ZBTB8A: variants seen among roughly 807,000 people sequenced by gnomAD.
ZBTB8A encodes zinc finger and BTB domain-containing protein 8A.
A neutral mutation model predicts 37.8 loss-of-function variants in ZBTB8A; 19 were observed. The ratio of observed to expected loss-of-function variants is 0.50; its 90% CI spans 0.35 to 0.74. The LOEUF is 0.74. ZBTB8A is among the 30% of genes least tolerant of loss of function. The pLI is 0.01. For missense variants in ZBTB8A, 394 were observed against 537.8 expected, an observed-to-expected ratio of 0.73 and a Z score of 2.65; for synonymous variants, 181 against 185.2, an observed-to-expected ratio of 0.98 and a Z score of 0.19.
At position 32,592,945 on chromosome 1, in the gene ZBTB8A, C is replaced by G; in HGVS notation, c.14C>G (p.Ser5Cys). The change falls in exon 3 of 5, where the codon TCT becomes TGT. Residue 5 changes from serine (S) to cysteine (C), a missense_variant. Ser to Cys is a moderately radical substitution (Grantham distance 112). Around this residue, in one of 4 missense-constraint regions of ZBTB8A, gnomAD observed 96 missense variants for 165.6 expected, o/e 0.58. Coordinates refer to ENST00000373510, the MANE Select transcript of ZBTB8A (RefSeq NM_001040441.3). MEISSHQSHLLQQLN... is the reference protein window; with the variant it reads MEISCHQSHLLQQLN... ...TTCCTCTTCAGAATGGAGATCTCCT[C>G]TCATCAGTCTCACCTCCTGCAGCAA... 6.2e-7 allele frequency: 1 copy of G among 1,607,358 alleles called. No individual in the cohort carries two copies. Among genetic ancestry groups the G allele is most frequent in the African/African-American group, 1.3e-5 (1 of 74,818 alleles).
chr1:32,605,512 T>C lies in ZBTB8A; in HGVS notation c.*5093T>C. On this transcript the variant is annotated 3_prime_UTR_variant, in exon 5 of 5. Transcript: ENST00000373510. ...TTAGGTCAAGAGTTGGAGACCAGCC[T>C]GGGGCAATATAGTGAAACCCCTTCT... 1 of 151,492 alleles carries C rather than the reference T, an allele frequency of 6.6e-6. No individual in the cohort carries two copies. Among genetic ancestry groups the C allele is most frequent in the Non-Finnish European group, 1.5e-5 (1 of 67,886 alleles). The allele number at this position is 151,492 out of a possible 1,614,324, so 9.4% of individuals were successfully genotyped here.
intron 3 of ZBTB8A, among the ~76,000 whole-genome samples, chr1:32,594,711 A>T (rs1318622018): frequency 6.6e-6 from 1 of 151,276 alleles, no homozygotes; most frequent in Non-Finnish European, 1.5e-5. Context: ...GGTTGCAGTG[A>T]GTGGAGATTG....
chr1:32,580,253 T>A (rs558924438), intron 2 of ZBTB8A, among the ~76,000 whole-genome samples: 93 of 151,984 alleles, frequency 6.1e-4, no homozygotes, highest in African/African-American at 2.1e-3. Context: ...ACAAAAAAAA[T>A]TTTTTTAAAG....
chr1:32,556,875 CA>C (rs1644207089), intron 2 of ZBTB8A, among the ~76,000 whole-genome samples: 1 of 150,044 alleles, frequency 6.7e-6, no homozygotes, highest in East Asian at 2.0e-4. Context: ...GACTCTGTCT[CA>C]ACAAAAAAAA....
At position 32,593,565 on chromosome 1, in the gene ZBTB8A, C is replaced by G. The variant is rs376578430; in HGVS notation, c.634C>G (p.His212Asp). Residue 212 changes from histidine (H) to aspartate (D), a missense_variant, in exon 3 of 5, where the codon CAT (histidine) becomes GAT (aspartate). Transcript: ENST00000373510. ...PRKESIKKTK[H>D]LRLSQPSEVT... Reference sequence around the variant, plus strand: ...GAAAGAGTCCATTAAAAAGACCAAACATTTGAGATTGTCACAGCCTTCTGA... The same window carrying G: ...GAAAGAGTCCATTAAAAAGACCAAAGATTTGAGATTGTCACAGCCTTCTGA... The G allele has an allele frequency of 6.2e-7, 1 of 1,614,256 alleles. No individual in the cohort carries two copies.
At position 32,600,445 on chromosome 1, in the gene ZBTB8A, C is replaced by G. The variant is rs751344865; in HGVS notation, c.*26C>G. 1 of 1,539,604 alleles carries G rather than the reference C, an allele frequency of 6.5e-7. No individual in the cohort carries two copies. Among genetic ancestry groups the G allele is most frequent in the South Asian group, 1.2e-5 (1 of 85,318 alleles). On this transcript the variant is annotated 3_prime_UTR_variant, in exon 5 of 5. Coordinates refer to ENST00000373510, the MANE Select transcript of ZBTB8A (RefSeq NM_001040441.3). ...CTGTAATGTGAACCAACAGAGCTGG[C>G]ATGTCTGCAATTTACATTGACTTCC...
chr1:32,567,825 A>AAAAAAAAAAAAAAC (rs1644294123), intron 2 of ZBTB8A, among the ~76,000 whole-genome samples: 2 of 63,674 alleles, frequency 3.1e-5, no homozygotes, highest in South Asian at 6.5e-4. Context: ...AAAAAAAAAC[A>AAAAAAAAAAAAAAC]AAAACAAAAC....
At chr1:32,588,043 C>G (rs1329471299) in intron 2 of ZBTB8A, among the ~76,000 whole-genome samples, 1 of 152,144 alleles carries the variant, frequency 6.6e-6, no homozygotes, top group Non-Finnish European at 1.5e-5. Flanking sequence ...GTGGAAGCTC[C>G]AAGCGCTTCC....
chr1:32,592,815 G>A lies in ZBTB8A; in HGVS notation c.-1-116G>A, dbSNP rs1644500301. ...GAGCCACTGTGCCCAGCCACAGTGA[G>A]CTTTGATCACACCACTGCACTGCAG... is the stretch of plus-strand genomic sequence containing the variant. On this transcript the variant is annotated intron_variant, in intron 2 of 4. Coordinates refer to ENST00000373510, the MANE Select transcript of ZBTB8A (RefSeq NM_001040441.3). The A allele has an allele frequency of 9.5e-6, 8 of 843,196 alleles. No individual in the cohort carries two copies. In the Admixed American group the frequency reaches 2.3e-4, roughly 25 times the overall value. The allele number at this position is 843,196 out of a possible 1,614,324, so 52.2% of individuals were successfully genotyped here.
chr1:32,603,515 C>T lies in ZBTB8A; in HGVS notation c.*3096C>T, dbSNP rs1001286823. 2 of 152,462 alleles carry T rather than the reference C, an allele frequency of 1.3e-5. No homozygotes were observed. Among genetic ancestry groups the T allele is most frequent in the African/African-American group, 4.8e-5 (2 of 41,430 alleles). 9.4% of individuals were successfully genotyped at this position (152,462 alleles called of 1,614,324 possible). Reference sequence around the variant, plus strand: ...TAGTCTTACCCAATTAATACTGACACCTTTTGAAATTAAAACCTGATTTTT... The same window carrying T: ...TAGTCTTACCCAATTAATACTGACATCTTTTGAAATTAAAACCTGATTTTT... On this transcript the variant is annotated 3_prime_UTR_variant, in exon 5 of 5. Coordinates refer to ENST00000373510, the MANE Select transcript of ZBTB8A (RefSeq NM_001040441.3).
chr1:32,598,513 A>G (rs774849564), intron 4 of ZBTB8A, among the ~76,000 whole-genome samples: 19 of 152,106 alleles, frequency 1.2e-4, no homozygotes, highest in Admixed American at 2.0e-4. Flanking sequence ...CTGGGATTAC[A>G]GGTGTGAGCC....
rs1234264389 is a variant in ZBTB8A at position 32,604,023 on chromosome 1, G to A, written c.*3604G>A. On this transcript the variant is annotated 3_prime_UTR_variant, in exon 5 of 5. Coordinates refer to ENST00000373510, the MANE Select transcript of ZBTB8A (RefSeq NM_001040441.3). ...TTTACATGTGGGCAAATGTTACATA[G>A]GGGTATAATCTGTTTAAATAAGCTT... The A allele has an allele frequency of 4.6e-5, 7 of 152,116 alleles. No individual in the cohort carries two copies. In the South Asian group the frequency reaches 1.2e-3, roughly 27 times the overall value. The allele number at this position is 152,116 out of a possible 1,614,324, so 9.4% of individuals were successfully genotyped here.
intron 2 of ZBTB8A, among the ~76,000 whole-genome samples, chr1:32,564,659 T>C (rs1433009870): frequency 3.9e-5 from 6 of 151,976 alleles, no homozygotes; most frequent in East Asian, 3.9e-4. Context: ...TAGCAAAATA[T>C]ACCTAAAACA....
intron 2 of ZBTB8A, among the ~76,000 whole-genome samples, chr1:32,567,781 G>A (rs1339836820): frequency 2.2e-5 from 2 of 92,316 alleles, no homozygotes; most frequent in Non-Finnish European, 3.9e-5. Flanking sequence ...GATAGAGCAG[G>A]ATTCTGTCTC....
At chr1:32,592,508 T>C (rs1479237383) in intron 2 of ZBTB8A, among the ~76,000 whole-genome samples, 1 of 151,694 alleles carries the variant, frequency 6.6e-6, no homozygotes. Context: ...TGTTTGTTTT[T>C]GGGGTGTTTG....
At chr1:32,583,125 A>T (rs1222691975) in intron 2 of ZBTB8A, among the ~76,000 whole-genome samples, 4 of 152,112 alleles carry the variant, frequency 2.6e-5, no homozygotes, top group African/African-American at 9.7e-5. Context: ...TCACACCTGT[A>T]ATCCCAACAC....
intron 2 of ZBTB8A, among the ~76,000 whole-genome samples, chr1:32,580,817 G>A (rs1316046032): frequency 6.6e-6 from 1 of 151,754 alleles, no homozygotes; most frequent in Non-Finnish European, 1.5e-5. Flanking sequence ...CCAGCATCTG[G>A]CAAGGATCAT....
chr1:32,577,607 T>C (rs1644372878), intron 2 of ZBTB8A, among the ~76,000 whole-genome samples: 1 of 148,260 alleles, frequency 6.7e-6, no homozygotes, highest in South Asian at 2.2e-4. Flanking sequence ...TTTTTTTTTT[T>C]TTGAGACAGA....
At chr1:32,594,949 T>C (rs935806152) in intron 3 of ZBTB8A, 105 bp from the exon 4 acceptor site, 68 of 1,144,688 alleles carry the variant, frequency 5.9e-5, no homozygotes, top group Admixed American at 1.6e-4. Flanking sequence ...TTTTTTTAAG[T>C]TTATTTTTTT....
Sources: allele counts gnomAD v4.1 joint callset (sites outside exome capture counted in the v4.1 genomes callset), GRCh38; gene constraint gnomAD v4.1.1; regional missense constraint gnomAD v4.1.1; transcripts MANE v1.5; gene names NCBI Gene and HGNC (gene_info 2026-07-23, HGNC 2026-07-21).